ARHGAP6: variants seen among roughly 807,000 people sequenced by gnomAD.
ARHGAP6 encodes Rho GTPase activating protein 6, also known as rho GTPase-activating protein 6.
A neutral mutation model predicts 55.7 loss-of-function variants in ARHGAP6; 16 were observed. That is an observed-to-expected ratio of 0.29 (90% CI 0.19 to 0.44). The LOEUF is 0.44. ARHGAP6 is among the 20% of genes least tolerant of loss of function. The probability of loss-of-function intolerance (pLI) is 1.00; values close to 1 mark genes in which losing one functional copy is unlikely to be tolerated. For synonymous variants in ARHGAP6, 382 were observed against 360.9 expected (o/e 1.06, Z -0.66); for missense variants, 698 against 808.9 (o/e 0.86, Z 1.66).
intron 2 of ARHGAP6, among the ~76,000 whole-genome samples, chrX:11,242,466 T>C (rs1490150074): frequency 1.8e-5 from 2 of 112,004 alleles, no homozygotes; most frequent in Non-Finnish European, 3.8e-5. Flanking sequence ...TTTCAAAGCT[T>C]TCAGCACATG....
chrX:11,557,594 T>C (rs904379133), intron 1 of ARHGAP6, among the ~76,000 whole-genome samples: 3 of 111,600 alleles, frequency 2.7e-5, no homozygotes, highest in Non-Finnish European at 5.7e-5. Context: ...GGAACAATCC[T>C]CTAAAAATAA....
chrX:11,296,903 AT>A (rs2048094650), intron 1 of ARHGAP6: 1 of 1,108,389 alleles, frequency 9.0e-7, no homozygotes, highest in East Asian at 3.0e-5. Context: ...TAGTGTGTTG[AT>A]TCTTTATCCC....
chrX:11,298,043 C>A lies in ARHGAP6; in HGVS notation c.589-43336G>T, dbSNP rs1055200752. On this transcript the variant is annotated intron_variant, in intron 1 of 12. Coordinates refer to ENST00000337414, the MANE Select transcript of ARHGAP6 (RefSeq NM_013427.3). The stretch of plus-strand genomic sequence containing the variant: ...GAAGAATGTGTGTGATGGATGTAAA[C>A]ACAGTGCCTGTCACACAGGAAGCAC... The A allele has an allele frequency of 3.7e-6, 4 of 1,083,055 alleles. No individual in the cohort carries two copies. The African/African-American group carries it at 7.3e-5, about 20-fold the overall frequency. 89.3% of individuals were successfully genotyped at this position (1,083,055 alleles called of 1,213,427 possible).
intron 1 of ARHGAP6, among the ~76,000 whole-genome samples, chrX:11,583,237 A>T (rs1031437691): frequency 8.0e-5 from 9 of 112,407 alleles, no homozygotes; most frequent in Admixed American, 6.6e-4. Context: ...ACTAGAAATT[A>T]CTGGGCAAAC....
chrX:11,344,678 CAAAAAAA>C (rs34123570), intron 1 of ARHGAP6, among the ~76,000 whole-genome samples: 26 of 28,262 alleles, frequency 9.2e-4, no homozygotes, highest in East Asian at 2.9e-3. Context: ...AACTCCATCA[CAAAAAAA>C]AAAAAAAAAA....
intron 1 of ARHGAP6, among the ~76,000 whole-genome samples, chrX:11,275,906 A>T (rs2047756878): frequency 8.9e-6 from 1 of 111,771 alleles, no homozygotes; most frequent in Non-Finnish European, 1.9e-5. Flanking sequence ...CCCTACAGGG[A>T]CATTACAAAT....
At chrX:11,322,473 C>T (rs1291746719) in intron 1 of ARHGAP6, among the ~76,000 whole-genome samples, 2 of 111,476 alleles carry the variant, frequency 1.8e-5, no homozygotes, top group Non-Finnish European at 3.8e-5. Context: ...ATTCTCCTGC[C>T]TCAGCCTCCC....
At chrX:11,222,490 G>A (rs1191315809) in intron 2 of ARHGAP6, among the ~76,000 whole-genome samples, 1 of 111,708 alleles carries the variant, frequency 9.0e-6, no homozygotes, top group Non-Finnish European at 1.9e-5. Context: ...ATTGATGGTG[G>A]ATCTCTGATG....
chrX:11,321,078 A>C (rs1747234612), intron 1 of ARHGAP6, among the ~76,000 whole-genome samples: 1 of 111,887 alleles, frequency 8.9e-6, no homozygotes, highest in Non-Finnish European at 1.9e-5. Flanking sequence ...AAAGAAAAAT[A>C]TTTTGCAAAA....
chrX:11,632,594 A>C (rs2052373159), intron 1 of ARHGAP6, among the ~76,000 whole-genome samples: 1 of 112,324 alleles, frequency 8.9e-6, no homozygotes, highest in Admixed American at 9.4e-5. Flanking sequence ...AATTGACGTA[A>C]TTATAACTCC....
At position 11,515,467 on chromosome X, in the gene ARHGAP6, T is replaced by C. The variant is rs148974329; in HGVS notation, c.588+148774A>G. ...GTTTGAGTAGCAGCTATACATTATA[T>C]ACTTACTGGAGCACATAACTATACC... On this transcript the variant is annotated intron_variant, in intron 1 of 12. Transcript: ENST00000337414. 3.7e-3 allele frequency among the ~76,000 whole-genome samples: 415 copies of C among 111,237 alleles called. 1 individual carries two copies. The highest frequency in any genetic ancestry group is 6.0e-3 in the Non-Finnish European group (321 of 53,099).
chrX:11,201,515 C>A (rs962476239), intron 2 of ARHGAP6, among the ~76,000 whole-genome samples: 2 of 111,878 alleles, frequency 1.8e-5, no homozygotes, highest in Non-Finnish European at 3.8e-5. Flanking sequence ...GCTCACAGGA[C>A]TATCCAATGT....
At chrX:11,435,479 A>G (rs1045123034) in intron 1 of ARHGAP6, among the ~76,000 whole-genome samples, 3 of 112,137 alleles carry the variant, frequency 2.7e-5, no homozygotes, top group Non-Finnish European at 5.6e-5. Flanking sequence ...GGTCTTCAGG[A>G]CCATGGGCAT....
intron 1 of ARHGAP6, among the ~76,000 whole-genome samples, chrX:11,661,382 G>A (rs758857413): frequency 1.8e-5 from 2 of 112,684 alleles, no homozygotes; most frequent in South Asian, 7.3e-4. Flanking sequence ...CCTGAAACAC[G>A]TAGTGAGGAA....
chrX:11,298,359 AC>A, intron 1 of ARHGAP6: 1 of 1,104,870 alleles, frequency 9.1e-7, no homozygotes, highest in Non-Finnish European at 1.3e-6. Flanking sequence ...TATCATGTCT[AC>A]TCCACATGCA....
intron 1 of ARHGAP6, among the ~76,000 whole-genome samples, chrX:11,314,741 C>T (rs1351491885): frequency 9.0e-6 from 1 of 111,337 alleles, no homozygotes; most frequent in Non-Finnish European, 1.9e-5. Context: ...ATGATGAGAA[C>T]ACATGGACAC....
intron 1 of ARHGAP6, among the ~76,000 whole-genome samples, chrX:11,634,039 A>G (rs1021588591): frequency 4.6e-5 from 5 of 108,850 alleles, no homozygotes; most frequent in Non-Finnish European, 9.5e-5. Flanking sequence ...GTGTATATTT[A>G]CTTATGGATT....
chrX:11,451,655 T>C (rs1258232878), intron 1 of ARHGAP6, among the ~76,000 whole-genome samples: 1 of 111,842 alleles, frequency 8.9e-6, no homozygotes, highest in African/African-American at 3.3e-5. Flanking sequence ...CTACAGTACC[T>C]TCTGCACCCC....
chrX:11,324,596 TA>T (rs112848771), intron 1 of ARHGAP6, among the ~76,000 whole-genome samples: 20,371 of 100,011 alleles, frequency 0.2, 1,613 homozygotes, highest in Middle Eastern at 0.35. Context: ...TTACTAATCT[TA>T]AAAAAAAAAA....
Sources: gnomAD v4.1 joint callset for allele counts (sites outside exome capture counted in the v4.1 genomes callset) on GRCh38, gnomAD v4.1.1 for gene constraint, MANE v1.5 for transcripts, NCBI Gene and HGNC (gene_info 2026-07-23, HGNC 2026-07-21) for gene names.